Variants in ANKRD30BL observed in about 807,000 individuals in gnomAD.
ANKRD30BL encodes ankyrin repeat domain 30B like.
ANKRD30BL carries 20 observed loss-of-function variants against 18.4 expected under a neutral mutation model. The ratio of observed to expected loss-of-function variants is 1.09; its 90% CI spans 0.77 to 1.58. The LOEUF (loss-of-function observed/expected upper bound fraction) is 1.58, where lower values mean the gene tolerates loss of function less well. Ranked by LOEUF, ANKRD30BL falls within the 40% of genes most tolerant of loss-of-function variation. The pLI, the probability that ANKRD30BL is intolerant of heterozygous loss-of-function variation, is 0.00. For missense variants in ANKRD30BL, 224 were observed against 268.6 expected, an observed-to-expected ratio of 0.83 and a Z score of 1.16; for synonymous variants, 72 against 100.9, an observed-to-expected ratio of 0.71 and a Z score of 1.72.
Position 132,208,117 on chromosome 2 carries a change from T to C in ANKRD30BL, n.441+49412A>G, listed in dbSNP as rs576637276. Among the ~76,000 whole-genome samples the C allele has an allele frequency of 3.3e-5, 5 of 152,240 alleles. No individual in the cohort carries two copies. The South Asian group carries it at 6.2e-4, about 19-fold the overall frequency. On this transcript the variant is annotated intron_variant and non_coding_transcript_variant, in intron 1 of 4. Transcript: ENST00000470729. ...CTGCCTCTCATAGATACCTGAGGCATTGGATTCCCTAAACAGAATTGTAGA... is the reference window on the plus strand; with the variant it reads ...CTGCCTCTCATAGATACCTGAGGCACTGGATTCCCTAAACAGAATTGTAGA...
chr2:132,149,873 C>T (rs903684996), intron 5 of ANKRD30BL, among the ~76,000 whole-genome samples: 32 of 152,102 alleles, frequency 2.1e-4, no homozygotes, highest in Non-Finnish European at 3.5e-4. Context: ...ATATTTCTTC[C>T]TCTTTATAAG....
upstream of ANKRD30BL, among the ~76,000 whole-genome samples, chr2:132,165,248 AC>A: frequency 7.7e-6 from 1 of 129,110 alleles, no homozygotes; most frequent in Non-Finnish European, 1.6e-5. Context: ...CCCTTATATG[AC>A]GTATCAGTTT....
At chr2:132,222,863 A>AAAAAG (rs1679732123) in intron 1 of ANKRD30BL, among the ~76,000 whole-genome samples, 1 of 145,238 alleles carries the variant, frequency 6.9e-6, no homozygotes, top group South Asian at 2.1e-4. Flanking sequence ...AAAAAAAAAA[A>AAAAAG]AGAAACACTG....
chr2:132,166,431 G>C (rs1400079269), upstream of ANKRD30BL, among the ~76,000 whole-genome samples: 1 of 151,514 alleles, frequency 6.6e-6, no homozygotes. Context: ...TGGAAACATT[G>C]GGGGGGTGAG....
At chr2:132,153,722 A>G (rs1248749177) in intron 4 of ANKRD30BL, 1 of 1,130,312 alleles carries the variant, frequency 8.8e-7, no homozygotes, top group Admixed American at 2.0e-5. Flanking sequence ...TAACTTCATT[A>G]TTAGGAACGA....
In ANKRD30BL at chr2:132,235,561, C is replaced by T. The variant is rs62166177; in HGVS notation, n.441+21968G>A. Among the ~76,000 whole-genome samples the T allele has an allele frequency of 8.7e-3, 1,326 of 152,094 alleles. 8 individuals carry two copies. Among genetic ancestry groups the T allele is most frequent in the Non-Finnish European group, 0.011 (772 of 68,004 alleles). ...CACCAACAACAGACAAACAGAGAGC[C>T]AAATCATGAGTGAATTCCCATTCAC... On this transcript the variant is annotated intron_variant and non_coding_transcript_variant, in intron 1 of 4. Transcript: ENST00000470729.
At chr2:132,182,878 C>T (rs186929087) in intron 1 of ANKRD30BL, among the ~76,000 whole-genome samples, 2,699 of 151,646 alleles carry the variant, frequency 0.018, 30 homozygotes, top group Non-Finnish European at 0.028. Context: ...CATAGAACCC[C>T]GACAGATAAA....
chr2:132,203,064 G>T (rs1679139880), intron 1 of ANKRD30BL, among the ~76,000 whole-genome samples: 1 of 152,288 alleles, frequency 6.6e-6, no homozygotes, highest in Admixed American at 6.5e-5. Flanking sequence ...AACAGGAAGG[G>T]CTTTTGTAGC....
chr2:132,252,419 G>A (rs1299031629), intron 1 of ANKRD30BL, among the ~76,000 whole-genome samples: 1 of 152,200 alleles, frequency 6.6e-6, no homozygotes, highest in Non-Finnish European at 1.5e-5. Flanking sequence ...CGACACCACA[G>A]CATCCAGTGG....
At chr2:132,222,480 G>A (rs984930859) in intron 1 of ANKRD30BL, among the ~76,000 whole-genome samples, 1 of 152,152 alleles carries the variant, frequency 6.6e-6, no homozygotes. Context: ...TTTTCATTTT[G>A]TTCTGTACTG....
chr2:132,239,963 G>A (rs564912410), intron 1 of ANKRD30BL, among the ~76,000 whole-genome samples: 44 of 151,374 alleles, frequency 2.9e-4, no homozygotes, highest in African/African-American at 7.0e-4. Context: ...TGAGGATTTC[G>A]TTGGAAACGG....
chr2:132,221,329 A>C (rs1295741355), intron 1 of ANKRD30BL, among the ~76,000 whole-genome samples: 1 of 143,916 alleles, frequency 6.9e-6, no homozygotes, highest in Non-Finnish European at 1.5e-5. Context: ...TGGGGGGGTC[A>C]GCCCCCCGCC....
chr2:132,171,118 G>T (rs1356615088), intron 1 of ANKRD30BL, among the ~76,000 whole-genome samples: 1 of 144,456 alleles, frequency 6.9e-6, no homozygotes, highest in Non-Finnish European at 1.5e-5. Flanking sequence ...TCGCACCACT[G>T]TACTCCAGCC....
At chr2:132,167,991 A>G (rs1229601800) in intron 1 of ANKRD30BL, among the ~76,000 whole-genome samples, 3 of 152,092 alleles carry the variant, frequency 2.0e-5, no homozygotes, top group African/African-American at 7.2e-5. Flanking sequence ...TTTAACTTTA[A>G]TTTATTCTTT....
chr2:132,233,572 A>T (rs1180180463), intron 1 of ANKRD30BL, among the ~76,000 whole-genome samples: 2 of 150,600 alleles, frequency 1.3e-5, no homozygotes, highest in African/African-American at 2.4e-5. Context: ...ACCAACAAAG[A>T]TCCAAAGAGA....
chr2:132,201,311 G>A (rs59249378), intron 1 of ANKRD30BL, among the ~76,000 whole-genome samples: 11,342 of 151,680 alleles, frequency 0.075, 1,394 homozygotes, highest in African/African-American at 0.26. Context: ...TAATTAAACT[G>A]AAGAGCTTCT....
chr2:132,195,993 T>A (rs1678959277), intron 1 of ANKRD30BL, among the ~76,000 whole-genome samples: 1 of 150,622 alleles, frequency 6.6e-6, no homozygotes, highest in Admixed American at 6.6e-5. Flanking sequence ...TACAAAAAAA[T>A]TAGCCCAGCA....
intron 1 of ANKRD30BL, among the ~76,000 whole-genome samples, chr2:132,239,431 G>A (rs1190573189): frequency 6.6e-6 from 1 of 151,704 alleles, no homozygotes; most frequent in Non-Finnish European, 1.5e-5. Context: ...GTGGAATCTT[G>A]AATCGCTTTG....
chr2:132,148,007 C>T lies in ANKRD30BL; in HGVS notation c.*124G>A. On this transcript the variant is annotated 3_prime_UTR_variant, in exon 6 of 6. Transcript: ENST00000409867. ...AAACGGAGAACAAAGAACAGAGAAGCTGAACATACTGACATATTTGTTCTT... is the reference window on the plus strand; with the variant it reads ...AAACGGAGAACAAAGAACAGAGAAGTTGAACATACTGACATATTTGTTCTT... The T allele has an allele frequency of 1.4e-6, 1 of 719,944 alleles. No individual in the cohort carries two copies. The highest frequency in any genetic ancestry group is 2.4e-6 in the Non-Finnish European group (1 of 413,584). 44.6% of individuals were successfully genotyped at this position (719,944 alleles called of 1,614,324 possible).
Sources: allele counts gnomAD v4.1 joint callset (sites outside exome capture counted in the v4.1 genomes callset), GRCh38; gene constraint gnomAD v4.1.1; transcripts MANE v1.5; gene names NCBI Gene and HGNC (gene_info 2026-07-23, HGNC 2026-07-21).